Variants in B3GALT1 observed in about 807,000 individuals in gnomAD.
B3GALT1 encodes the protein UDP-Gal:betaGlcNAc beta 1,3-galactosyltransferase, polypeptide 1.
A neutral mutation model predicts 23.2 loss-of-function variants in B3GALT1; 10 were observed. The ratio of observed to expected loss-of-function variants is 0.43; its 90% CI spans 0.27 to 0.73. The LOEUF is 0.73. Among genes scored for constraint, B3GALT1 ranks in the 30% least tolerant of loss-of-function variants. B3GALT1 has a pLI of 0.21. For synonymous variants in B3GALT1, 156 were observed against 141.5 expected (o/e 1.10, Z -0.73); for missense variants, 299 against 405.4 (o/e 0.74, Z 2.25).
At chr2:167,474,754 A>G (rs539499632) in intron 1 of B3GALT1, among the ~76,000 whole-genome samples, 1 of 152,142 alleles carries the variant, frequency 6.6e-6, no homozygotes, top group African/African-American at 2.4e-5. Flanking sequence ...CTAGTTTCTT[A>G]TTATTATCAT....
At chr2:167,558,535 G>C (rs1490238777) in intron 2 of B3GALT1, among the ~76,000 whole-genome samples, 1 of 152,196 alleles carries the variant, frequency 6.6e-6, no homozygotes, top group Non-Finnish European at 1.5e-5. Context: ...GAAGGGGTCA[G>C]GGAGTTCCCT....
intron 2 of B3GALT1, among the ~76,000 whole-genome samples, chr2:167,506,147 G>A (rs1699914242): frequency 6.6e-6 from 1 of 152,146 alleles, no homozygotes; most frequent in Non-Finnish European, 1.5e-5. Context: ...CAAAGCAAAT[G>A]TAGATTCTCC....
intron 1 of B3GALT1, among the ~76,000 whole-genome samples, chr2:167,387,638 A>G (rs1325808323): frequency 6.6e-6 from 1 of 152,240 alleles, no homozygotes; most frequent in Non-Finnish European, 1.5e-5. Flanking sequence ...TAATGAATCA[A>G]TTTGTTACTT....
At chr2:167,320,090 A>G (rs1368051440) in intron 1 of B3GALT1, among the ~76,000 whole-genome samples, 1 of 151,880 alleles carries the variant, frequency 6.6e-6, no homozygotes, top group Non-Finnish European at 1.5e-5. Context: ...ATAAAATAAA[A>G]CCTGCCTTTA....
chr2:167,533,110 C>T (rs1467906211), intron 2 of B3GALT1, among the ~76,000 whole-genome samples: 1 of 152,102 alleles, frequency 6.6e-6, no homozygotes, highest in Non-Finnish European at 1.5e-5. Flanking sequence ...ATCTGCCTGC[C>T]TCGGCCTCCC....
chr2:167,751,183 T>G (rs557619089), intron 3 of B3GALT1, among the ~76,000 whole-genome samples: 1 of 152,224 alleles, frequency 6.6e-6, no homozygotes, highest in Non-Finnish European at 1.5e-5. Flanking sequence ...CTGTGGATTA[T>G]ATTTTGGCAC....
chr2:167,682,312 A>T (rs978625782), intron 3 of B3GALT1, among the ~76,000 whole-genome samples: 2 of 152,240 alleles, frequency 1.3e-5, no homozygotes, highest in East Asian at 3.8e-4. Context: ...AGTATCAAAT[A>T]GCTATGAAAA....
At chr2:167,637,323 C>T (rs1382248463) in intron 2 of B3GALT1, among the ~76,000 whole-genome samples, 1 of 151,926 alleles carries the variant, frequency 6.6e-6, no homozygotes, top group African/African-American at 2.4e-5. Context: ...GCACCAGCAC[C>T]GTTATACTAA....
intron 1 of B3GALT1, among the ~76,000 whole-genome samples, chr2:167,418,488 T>A (rs1232261819): frequency 6.6e-6 from 1 of 151,992 alleles, no homozygotes; most frequent in Non-Finnish European, 1.5e-5. Flanking sequence ...GTTGCATCAG[T>A]GCCATAAAAA....
chr2:167,602,799 A>G (rs977589708), intron 2 of B3GALT1, among the ~76,000 whole-genome samples: 2 of 152,268 alleles, frequency 1.3e-5, no homozygotes, highest in East Asian at 3.9e-4. Context: ...TTGCCTTCAC[A>G]AAATCTTGAG....
intron 2 of B3GALT1, among the ~76,000 whole-genome samples, chr2:167,568,338 C>T (rs1684216029): frequency 6.6e-6 from 1 of 152,026 alleles, no homozygotes; most frequent in Non-Finnish European, 1.5e-5. Flanking sequence ...GTACCTATAC[C>T]ATTCTGCATT....
At chr2:167,780,220 C>G (rs924652203) in intron 3 of B3GALT1, among the ~76,000 whole-genome samples, 1 of 152,128 alleles carries the variant, frequency 6.6e-6, no homozygotes, top group East Asian at 1.9e-4. Flanking sequence ...TCTTGAATTA[C>G]AAATACTTAT....
At chr2:167,765,305 T>C (rs1299564560) in intron 3 of B3GALT1, among the ~76,000 whole-genome samples, 2 of 151,978 alleles carry the variant, frequency 1.3e-5, no homozygotes, top group Admixed American at 1.3e-4. Context: ...CAAACAACAA[T>C]CCACAAAATC....
At position 167,590,121 on chromosome 2, in the gene B3GALT1, C is replaced by T. The variant is rs533831028; in HGVS notation, c.-409-56788C>T. Among the ~76,000 whole-genome samples, 31 of 152,042 alleles carry T rather than the reference C, an allele frequency of 2.0e-4. No individual in the cohort carries two copies. The South Asian group carries it at 3.1e-3, about 15-fold the overall frequency. ...CAGCATTTTGGGAGGCCGAGGCGGG[C>T]GGATCACGAGGTCAGGAGATCGAGA... On this transcript the variant is annotated intron_variant, in intron 2 of 4. Transcript: ENST00000392690.
chr2:167,868,841 C>A lies in B3GALT1; in HGVS notation c.-199C>A. 1 of 566,456 alleles carries A rather than the reference C, an allele frequency of 1.8e-6. No individual in the cohort carries two copies. Among genetic ancestry groups the A allele is most frequent in the East Asian group, 2.8e-5 (1 of 35,132 alleles). The allele number at this position is 566,456 out of a possible 1,614,324, so 35.1% of individuals were successfully genotyped here. On this transcript the variant is annotated 5_prime_UTR_variant, in exon 5 of 5. Coordinates refer to ENST00000392690, the MANE Select transcript of B3GALT1 (RefSeq NM_020981.4). ...AGAGGAAGATTTATGAGTCATGGAA[C>A]CCTCCATCAGATTTGGAAGAAAGTA... is the stretch of plus-strand genomic sequence containing the variant.
chr2:167,389,917 A>C (rs1215593781), intron 1 of B3GALT1, among the ~76,000 whole-genome samples: 37 of 133,824 alleles, frequency 2.8e-4, no homozygotes, highest in African/African-American at 1.2e-3. Context: ...TCCAAAAAAA[A>C]AAAAAAACAA....
chr2:167,414,532 C>G (rs1380906221), intron 1 of B3GALT1, among the ~76,000 whole-genome samples: 1 of 151,998 alleles, frequency 6.6e-6, no homozygotes, highest in Admixed American at 6.6e-5. Flanking sequence ...TTTATAAGAT[C>G]CACAATAAAT....
At position 167,423,181 on chromosome 2, in the gene B3GALT1, C is replaced by T. The variant is rs1334237451; in HGVS notation, c.-510-66996C>T. Among the ~76,000 whole-genome samples, 3 of 151,990 alleles carry T rather than the reference C, an allele frequency of 2.0e-5. No homozygotes were observed. The East Asian group carries it at 5.8e-4, about 29-fold the overall frequency. ...TACTCTAACCTGGAGGATCAAGAGG[C>T]AGTATTGTAAATGAAGGTAAAAGGC... On this transcript the variant is annotated intron_variant, in intron 1 of 4. Coordinates refer to ENST00000392690, the MANE Select transcript of B3GALT1 (RefSeq NM_020981.4).
At chr2:167,753,025 T>C (rs1450378665) in intron 3 of B3GALT1, among the ~76,000 whole-genome samples, 2 of 152,118 alleles carry the variant, frequency 1.3e-5, no homozygotes, top group African/African-American at 4.8e-5. Context: ...TCCACAGTGA[T>C]TCTGGGAAAT....
Sources: gnomAD v4.1 joint callset for allele counts (sites outside exome capture counted in the v4.1 genomes callset) on GRCh38, gnomAD v4.1.1 for gene constraint, MANE v1.5 for transcripts, NCBI Gene and HGNC (gene_info 2026-07-23, HGNC 2026-07-21) for gene names.